Variants in PPP3CB observed in about 807,000 individuals in gnomAD.
PPP3CB encodes the protein serine/threonine-protein phosphatase 2B catalytic subunit beta isoform.
In PPP3CB, 8 loss-of-function variants were observed where a neutral mutation model predicts 66.4. That is an observed-to-expected ratio of 0.12 (90% CI 0.07 to 0.22). The LOEUF (loss-of-function observed/expected upper bound fraction) is 0.22. Ranked by LOEUF, PPP3CB falls within the 10% of genes least tolerant of loss-of-function variation. The pLI is 1.00. For synonymous variants in PPP3CB, 208 were observed against 221.2 expected (o/e 0.94, Z 0.53); for missense variants, 319 against 642.5 (o/e 0.50, Z 5.44).
intron 12 of PPP3CB, among the ~76,000 whole-genome samples, chr10:73,440,107 A>G (rs559910708): frequency 6.6e-6 from 1 of 152,330 alleles, no homozygotes; most frequent in South Asian, 2.1e-4. Flanking sequence ...ACACAGCACT[A>G]TGACAACATC....
chr10:73,454,346 G>C lies in PPP3CB; in HGVS notation c.1186+66C>G, dbSNP rs1443653731. 12 of 1,269,046 alleles carry C rather than the reference G, an allele frequency of 9.5e-6. No individual in the cohort carries two copies. The East Asian group carries it at 2.6e-4, about 28-fold the overall frequency. 78.6% of individuals were successfully genotyped at this position (1,269,046 alleles called of 1,614,324 possible). ...TATTTTTTGCAAAATAGTGTGTACTGAGGCTAGGCAGTAAAGAAATACCAT... is the reference window on the plus strand; with the variant it reads ...TATTTTTTGCAAAATAGTGTGTACTCAGGCTAGGCAGTAAAGAAATACCAT... On this transcript the variant is annotated intron_variant, in intron 10 of 13. Coordinates refer to ENST00000360663, the MANE Select transcript of PPP3CB (RefSeq NM_021132.4).
Position 73,436,701 on chromosome 10 carries a change from G to A in PPP3CB, c.*1541C>T, listed in dbSNP as rs1225914705. 4 of 152,046 alleles carry A rather than the reference G, an allele frequency of 2.6e-5. No individual in the cohort carries two copies. Among genetic ancestry groups the A allele is most frequent in the South Asian group, 2.1e-4 (1 of 4,812 alleles). 9.4% of individuals were successfully genotyped at this position (152,046 alleles called of 1,614,324 possible). A position where few individuals can be genotyped will look rare whatever the true frequency, so the allele number is the denominator to read the frequency against. On this transcript the variant is annotated 3_prime_UTR_variant, in exon 14 of 14. Coordinates refer to ENST00000360663, the MANE Select transcript of PPP3CB (RefSeq NM_021132.4). ...AATCAAATTACCATGAACTATCCAC[G>A]AGATAATCTCCGGAGGACATCCCAG...
chr10:73,473,603 A>G (rs1317343876), intron 4 of PPP3CB, among the ~76,000 whole-genome samples: 2 of 152,028 alleles, frequency 1.3e-5, no homozygotes, highest in African/African-American at 4.8e-5. Context: ...GTGAGCCGAG[A>G]TTGTACCACT....
chr10:73,443,573 A>T (rs12775630), intron 12 of PPP3CB, among the ~76,000 whole-genome samples: 6,897 of 152,294 alleles, frequency 0.045, 207 homozygotes, highest in Non-Finnish European at 0.067. Context: ...AGTGACTACA[A>T]GAAATTCAGG....
chr10:73,459,124 G>A (rs1187202420), intron 9 of PPP3CB, among the ~76,000 whole-genome samples: 1 of 152,086 alleles, frequency 6.6e-6, no homozygotes, highest in African/African-American at 2.4e-5. Flanking sequence ...CAGTTTGGCA[G>A]ATCCTTAAAA....
At chr10:73,439,176 A>C (rs923689987) in intron 13 of PPP3CB, among the ~76,000 whole-genome samples, 2 of 152,210 alleles carry the variant, frequency 1.3e-5, no homozygotes, top group Non-Finnish European at 2.9e-5. Flanking sequence ...CTCCATTATT[A>C]AAGTGTTCAT....
chr10:73,473,605 T>G (rs180671393), intron 4 of PPP3CB, among the ~76,000 whole-genome samples: 1 of 151,824 alleles, frequency 6.6e-6, no homozygotes, highest in Admixed American at 6.6e-5. Context: ...GAGCCGAGAT[T>G]GTACCACTGC....
chr10:73,491,031 T>G (rs1286541561), intron 1 of PPP3CB, among the ~76,000 whole-genome samples: 4 of 117,452 alleles, frequency 3.4e-5, no homozygotes, highest in South Asian at 2.9e-4. Context: ...TGTTTTTTTT[T>G]TTTTTTTTTT....
At chr10:73,479,645 T>C in intron 1 of PPP3CB, 128 bp from the exon 2 acceptor site, 3 of 864,716 alleles carry the variant, frequency 3.5e-6, no homozygotes, top group Non-Finnish European at 5.1e-6. Context: ...ATTTATTGGG[T>C]AGAAGTGTTT....
At position 73,438,087 on chromosome 10, in the gene PPP3CB, A is replaced by C. The variant is rs2056093933; in HGVS notation, c.*155T>G. ...GATAGCACATGTCCCAGGGCCCTCAAGCCTCCATCCAGGAAGGGGGCTAGG... is the reference window on the plus strand; with the variant it reads ...GATAGCACATGTCCCAGGGCCCTCACGCCTCCATCCAGGAAGGGGGCTAGG... On this transcript the variant is annotated 3_prime_UTR_variant, in exon 14 of 14. Transcript: ENST00000360663. The C allele has an allele frequency of 1.4e-6, 1 of 721,590 alleles. No individual in the cohort carries two copies. The highest frequency in any genetic ancestry group is 2.2e-6 in the Non-Finnish European group (1 of 453,722). 44.7% of individuals were successfully genotyped at this position (721,590 alleles called of 1,614,324 possible).
chr10:73,486,107 G>A (rs1163053922), intron 1 of PPP3CB, among the ~76,000 whole-genome samples: 10 of 151,302 alleles, frequency 6.6e-5, no homozygotes, highest in East Asian at 3.9e-4. Context: ...CACCATGCCC[G>A]GCTAATCTTT....
intron 8 of PPP3CB, among the ~76,000 whole-genome samples, chr10:73,469,299 T>C (rs1468339830): frequency 6.6e-6 from 1 of 152,126 alleles, no homozygotes; most frequent in South Asian, 2.1e-4. Flanking sequence ...TCGCAGCACT[T>C]TGGGAGGCTG....
At chr10:73,467,482 T>C (rs2056636234) in intron 9 of PPP3CB, 71 bp downstream of exon 9, 1 of 1,233,822 alleles carries the variant, frequency 8.1e-7, no homozygotes, top group Non-Finnish European at 1.1e-6. Flanking sequence ...AGCAAGTATG[T>C]GCCTATGATA....
At chr10:73,446,884 C>A (rs1035955376) in intron 10 of PPP3CB, among the ~76,000 whole-genome samples, 1 of 152,210 alleles carries the variant, frequency 6.6e-6, no homozygotes, top group Admixed American at 6.5e-5. Context: ...TTGAGCCCAA[C>A]TTGCATTACA....
rs529044341 is a variant in PPP3CB at position 73,439,481 on chromosome 10, GA to G, written c.1396+390del. ...ATACCTAGAGGAGGATTCACTTAGG[GA>G]AAAAAAATCTGAGTAGCATAGAATC... On this transcript the variant is annotated intron_variant, in intron 13 of 13. Transcript: ENST00000360663. 3.9e-5 allele frequency among the ~76,000 whole-genome samples: 6 copies of G among 151,998 alleles called. No homozygotes were observed. The East Asian group carries it at 1.2e-3, about 29-fold the overall frequency.
intron 3 of PPP3CB, 30 bp from the exon 4 acceptor site, chr10:73,475,060 A>G: frequency 6.2e-7 from 1 of 1,603,336 alleles, no homozygotes; most frequent in Middle Eastern, 1.8e-4. Flanking sequence ...TAGTGAATTT[A>G]TCTTGTACTT....
chr10:73,457,600 T>C (rs2056449941), intron 9 of PPP3CB, among the ~76,000 whole-genome samples: 1 of 151,964 alleles, frequency 6.6e-6, no homozygotes, highest in South Asian at 2.1e-4. Flanking sequence ...TAGCCGGGCA[T>C]GGTGGCACAT....
chr10:73,480,926 T>C (rs1237768747), intron 1 of PPP3CB, among the ~76,000 whole-genome samples: 8 of 152,202 alleles, frequency 5.3e-5, no homozygotes, highest in African/African-American at 1.9e-4. Flanking sequence ...AGCACAATTT[T>C]GAGGTCATAT....
chr10:73,476,162 C>G (rs1286846889), intron 3 of PPP3CB, among the ~76,000 whole-genome samples: 2 of 151,942 alleles, frequency 1.3e-5, no homozygotes, highest in Non-Finnish European at 2.9e-5. Context: ...CCCAACAAAA[C>G]TTTATTGTTA....
Sources: gnomAD v4.1 joint callset for allele counts (sites outside exome capture counted in the v4.1 genomes callset) on GRCh38, gnomAD v4.1.1 for gene constraint, MANE v1.5 for transcripts, NCBI Gene and HGNC (gene_info 2026-07-23, HGNC 2026-07-21) for gene names.